The following WNT10B variants were observed in gnomAD, a reference collection of about 807,000 sequenced individuals.
WNT10B encodes the protein Wnt family member 10B.
WNT10B carries 26 observed loss-of-function variants against 32.7 expected under a neutral mutation model. That is an observed-to-expected ratio of 0.79 (90% CI 0.58 to 1.10). WNT10B has a LOEUF of 1.10. Ranked by LOEUF, WNT10B falls within the 50% of genes least tolerant of loss-of-function variation. The probability of loss-of-function intolerance (pLI) is 0.00; values close to 1 mark genes in which losing one functional copy is unlikely to be tolerated. For missense variants in WNT10B, 474 were observed against 532.5 expected (o/e 0.89, Z 1.08); for synonymous variants, 204 against 220.4 (o/e 0.93, Z 0.66).
Position 48,970,482 on chromosome 12 carries a change from A to G in WNT10B, c.48T>C (p.Gly16=). 1 of 1,611,834 alleles carries G rather than the reference A, an allele frequency of 6.2e-7. No individual in the cohort carries two copies. The highest frequency in any genetic ancestry group is 1.1e-5 in the South Asian group (1 of 90,628). The part of the protein sequence containing the change: ...RPRPPPSGLA[G]LLFLALCSRA... The stretch of plus-strand genomic sequence containing the variant: ...GACTGCACAACGCCAGGAACAGGAG[A>G]CCCGCGAGGCCCGAGGGCGGAGGCC... Residue 16 remains glycine (G), a synonymous_variant, in exon 2 of 5, where the codon GGT becomes GGC. Transcript: ENST00000301061. The surrounding 1 kb of genome is among the most constrained non-coding windows in gnomAD (Gnocchi z 5.0).
In WNT10B at chr12:48,970,246, G is replaced by C; in HGVS notation, c.180C>G (p.Gly60=). The C allele has an allele frequency of 6.2e-7, 1 of 1,611,166 alleles. No individual in the cohort carries two copies. The highest frequency in any genetic ancestry group is 8.5e-7 in the Non-Finnish European group (1 of 1,178,882). Residue 60 remains glycine (G), a synonymous_variant, in exon 3 of 5, where the codon GGC becomes GGG. Coordinates refer to ENST00000301061, the MANE Select transcript of WNT10B (RefSeq NM_003394.4). The surrounding 1 kb of genome is among the most constrained non-coding windows in gnomAD (Gnocchi z 5.0). ...TLSGLSKRQL[G]LCLRNPDVTA... ...TCACGTCGGGGTTGCGCAGGCACAG[G>C]CCTAGCTGCCGCTTGCTCAGGCCGG... is the stretch of plus-strand genomic sequence containing the variant.
Position 48,970,045 on chromosome 12 carries a change from C to A in WNT10B, c.337+44G>T. On this transcript the variant is annotated intron_variant, in intron 3 of 4. Coordinates refer to ENST00000301061, the MANE Select transcript of WNT10B (RefSeq NM_003394.4). This position sits in a 1 kb window ranked among gnomAD's most constrained non-coding sequence, Gnocchi z 5.0. Reference sequence around the variant, plus strand: ...CCGCGCGCCTCGCCCTGCCGCCCACCCCCTAGCCTCCGCGGCAGCGCCGAC... The same window carrying A: ...CCGCGCGCCTCGCCCTGCCGCCCACACCCTAGCCTCCGCGGCAGCGCCGAC... 1 of 1,451,088 alleles carries A rather than the reference C, an allele frequency of 6.9e-7. No individual in the cohort carries two copies. Among genetic ancestry groups the A allele is most frequent in the Non-Finnish European group, 9.0e-7 (1 of 1,106,324 alleles). The allele number at this position is 1,451,088 out of a possible 1,614,324, so 89.9% of individuals were successfully genotyped here.
Position 48,970,154 on chromosome 12 carries a change from C to A in WNT10B, c.272G>T (p.Arg91Leu). 2 of 1,545,154 alleles carry A rather than the reference C, an allele frequency of 1.3e-6. No homozygotes were observed. The highest frequency in any genetic ancestry group is 1.7e-6 in the Non-Finnish European group (2 of 1,148,566). ...GCCCTCAAGCGCGGAGCAGTTCCAG[C>A]GCTGGTCGCGCAGCTGGTGCTGACA... The part of the protein sequence containing the change: ...HECQHQLRDQ[R>L]WNCSALEGGG... Residue 91 changes from arginine to leucine, a missense_variant, in exon 3 of 5, where the codon CGC becomes CTC. Physicochemically the swap from Arg to Leu is moderately radical, Grantham distance 102 (BLOSUM62 -2). Coordinates refer to ENST00000301061, the MANE Select transcript of WNT10B (RefSeq NM_003394.4). This position sits in a 1 kb window ranked among gnomAD's most constrained non-coding sequence, Gnocchi z 5.0.
In WNT10B at chr12:48,970,771, G is replaced by A. The variant is rs1351898118; in HGVS notation, c.-40-202C>T. On this transcript the variant is annotated intron_variant, in intron 1 of 4. Transcript: ENST00000301061. The surrounding 1 kb of genome is among the most constrained non-coding windows in gnomAD (Gnocchi z 5.0). ...GGTCTTAAAGAAGAAGAGTCAAGGC[G>A]TTGTCCCAGCTCAGGACTCAAGCGA... is the stretch of plus-strand genomic sequence containing the variant. The A allele has an allele frequency of 2.0e-5, 12 of 595,108 alleles. 2 individuals carry two copies. Among genetic ancestry groups the A allele is most frequent in the African/African-American group, 1.5e-4 (8 of 53,732 alleles). 36.9% of individuals were successfully genotyped at this position (595,108 alleles called of 1,614,324 possible). A position where few individuals can be genotyped will look rare whatever the true frequency, so the allele number is the denominator to read the frequency against.
In WNT10B at chr12:48,967,574, A is replaced by G. The variant is rs373066497; in HGVS notation, c.711+372T>C. On this transcript the variant is annotated intron_variant, in intron 4 of 4. Transcript: ENST00000301061. ...CTCAGCCTCCCAAAGTGCTGGGATT[A>G]CAGACATGAGCCACCGCGCCCGGCC... Among the ~76,000 whole-genome samples the G allele has an allele frequency of 1.0e-3, 153 of 152,220 alleles. 1 individual carries two copies. Among genetic ancestry groups the G allele is most frequent in the African/African-American group, 3.5e-3 (146 of 41,538 alleles).
In WNT10B at chr12:48,966,414, A is replaced by C. The variant is rs767077900; in HGVS notation, c.851T>G (p.Phe284Cys). The change falls in exon 5 of 5, where the codon TTC becomes TGC. Residue 284 changes from phenylalanine (F) to cysteine (C), a missense_variant. Physicochemically the swap from Phe to Cys is radical, Grantham distance 205. Transcript: ENST00000301061. ...ALRERLGRAI[F>C]IDTHNRNSGA... is the part of the protein sequence containing the mutation. ...AGAATTGCGGTTGTGGGTATCAATG[A>C]AGATGGCCCGGCCCAGCCGCTCCCT... is the stretch of plus-strand genomic sequence containing the variant. 1.8e-5 allele frequency: 29 copies of C among 1,614,042 alleles called. No homozygotes were observed. In the East Asian group the frequency reaches 4.2e-4, roughly 24 times the overall value.
In WNT10B at chr12:48,970,592, C is replaced by G. The variant is rs560673611; in HGVS notation, c.-40-23G>C. ...GACCTGCGGGACGGGAGACTTGATG[C>G]GGGTTCAGGAATAGGGCGGCTCGCT... On this transcript the variant is annotated intron_variant, in intron 1 of 4. Coordinates refer to ENST00000301061, the MANE Select transcript of WNT10B (RefSeq NM_003394.4). This position sits in a 1 kb window ranked among gnomAD's most constrained non-coding sequence, Gnocchi z 5.0. 2.0e-5 allele frequency: 30 copies of G among 1,537,648 alleles called. No individual in the cohort carries two copies. In the East Asian group the frequency reaches 7.0e-4, roughly 36 times the overall value.
In WNT10B at chr12:48,970,016, G is replaced by A; in HGVS notation, c.337+73C>T. 2 of 1,382,280 alleles carry A rather than the reference G, an allele frequency of 1.4e-6. No individual in the cohort carries two copies. The highest frequency in any genetic ancestry group is 1.6e-5 in the South Asian group (1 of 60,762). 85.6% of individuals were successfully genotyped at this position (1,382,280 alleles called of 1,614,324 possible). A position where few individuals can be genotyped will look rare whatever the true frequency, so the allele number is the denominator to read the frequency against. On this transcript the variant is annotated intron_variant, in intron 3 of 4. Coordinates refer to ENST00000301061, the MANE Select transcript of WNT10B (RefSeq NM_003394.4). The surrounding 1 kb of genome is among the most constrained non-coding windows in gnomAD (Gnocchi z 5.0). ...CGGAGCCGCGAAACCATCCCTTCCC[G>A]CCTCCGCGCGCCTCGCCCTGCCGCC...
At chr12:48,966,654 A>G in intron 4 of WNT10B, 101 bp from the exon 5 acceptor site, 1 of 1,330,144 alleles carries the variant, frequency 7.5e-7, no homozygotes, top group East Asian at 2.4e-5. Flanking sequence ...GGGAGGGACA[A>G]ATGGAGGCAA....
In WNT10B at chr12:48,965,830, A is replaced by C; in HGVS notation, c.*265T>G. The C allele has an allele frequency of 1.9e-6, 1 of 526,784 alleles. No homozygotes were observed. The highest frequency in any genetic ancestry group is 3.4e-6 in the Non-Finnish European group (1 of 290,396). 32.6% of individuals were successfully genotyped at this position (526,784 alleles called of 1,614,324 possible). On this transcript the variant is annotated 3_prime_UTR_variant, in exon 5 of 5. Coordinates refer to ENST00000301061, the MANE Select transcript of WNT10B (RefSeq NM_003394.4). ...CTGGAGTTGAGAAGTGGGAGGAGCA[A>C]TACAGTGCATTTCATCTTAGTCCAT... is the stretch of plus-strand genomic sequence containing the variant.
At position 48,970,814 on chromosome 12, in the gene WNT10B, C is replaced by T; in HGVS notation, c.-40-245G>A. ...TCAAGCGAGCACCCCTGGAACCTTG[C>T]CCAATCAGACACAACGCCCGGCACA... On this transcript the variant is annotated intron_variant, in intron 1 of 4. Transcript: ENST00000301061. This position sits in a 1 kb window ranked among gnomAD's most constrained non-coding sequence, Gnocchi z 5.0. The T allele has an allele frequency of 5.4e-6, 3 of 555,210 alleles. No homozygotes were observed. Among genetic ancestry groups the T allele is most frequent in the East Asian group, 3.0e-5 (1 of 33,018 alleles). The allele number at this position is 555,210 out of a possible 1,614,324, so 34.4% of individuals were successfully genotyped here. A position where few individuals can be genotyped will look rare whatever the true frequency, so the allele number is the denominator to read the frequency against.
In WNT10B at chr12:48,966,440, C is replaced by G; in HGVS notation, c.825G>C (p.Leu275Phe). 6.2e-7 allele frequency: 1 copy of G among 1,614,058 alleles called. No homozygotes were observed. The highest frequency in any genetic ancestry group is 2.2e-5 in the East Asian group (1 of 44,882). The change falls in exon 5 of 5, where the codon TTG becomes TTC. Residue 275 changes from leucine to phenylalanine, a missense_variant. Transcript: ENST00000301061. ...AGATGGCCCGGCCCAGCCGCTCCCT[C>G]AACGCCGCCCCCACTGCCCGGAACT... ...APEFRAVGAALRERLGRAIFI... is the reference protein window; with the variant it reads ...APEFRAVGAAFRERLGRAIFI...
intron 3 of WNT10B, chr12:48,969,137 A>C: frequency 2.1e-6 from 1 of 470,620 alleles, no homozygotes; most frequent in Non-Finnish European, 4.4e-6. Context: ...CTTCCCCTAC[A>C]CCAGGCCCTG....
rs1254649784 is a variant in WNT10B at position 48,970,354 on chromosome 12, G to A, written c.75-3C>T. 1.2e-6 allele frequency: 2 copies of A among 1,614,080 alleles called. No individual in the cohort carries two copies. Among genetic ancestry groups the A allele is most frequent in the East Asian group, 2.2e-5 (1 of 44,860 alleles). ...CCAGAATCTCATTGCTTAGAGCCCT[G>A]GGAACCAAGAAGGCGTCTGGGGTCT... On this transcript the variant is annotated splice_polypyrimidine_tract_variant and splice_region_variant and intron_variant, in intron 2 of 4. Transcript: ENST00000301061. The surrounding 1 kb of genome is among the most constrained non-coding windows in gnomAD (Gnocchi z 5.0).
In WNT10B at chr12:48,970,063, GCGCCGACC is replaced by G; in HGVS notation, c.337+18_337+25del. The G allele has an allele frequency of 1.3e-6, 2 of 1,487,486 alleles. No individual in the cohort carries two copies. The highest frequency in any genetic ancestry group is 1.8e-6 in the Non-Finnish European group (2 of 1,121,150). The allele number at this position is 1,487,486 out of a possible 1,614,324, so 92.1% of individuals were successfully genotyped here. On this transcript the variant is annotated intron_variant, in intron 3 of 4. Transcript: ENST00000301061. The surrounding 1 kb of genome is among the most constrained non-coding windows in gnomAD (Gnocchi z 5.0). ...CGCCCACCCCCTAGCCTCCGCGGCA[GCGCCGACC>G]CGCCCAGCCAGGCTCACCGCGCTTG...
chr12:48,970,514 G>T lies in WNT10B; in HGVS notation c.16C>A (p.Arg6=). The T allele has an allele frequency of 6.3e-7, 1 of 1,588,348 alleles. No individual in the cohort carries two copies. Among genetic ancestry groups the T allele is most frequent in the East Asian group, 2.3e-5 (1 of 44,096 alleles). ...AGGCCCGAGGGCGGAGGCCGCGGCC[G>T]GGGCTCCTCCAGCATGTCGAAGCCC... MLEEP[R]PRPPPSGLAG... is the part of the protein sequence containing the mutation. Residue 6 remains arginine (R), a synonymous_variant, in exon 2 of 5, where the codon CGG becomes AGG. Coordinates refer to ENST00000301061, the MANE Select transcript of WNT10B (RefSeq NM_003394.4). This position sits in a 1 kb window ranked among gnomAD's most constrained non-coding sequence, Gnocchi z 5.0.
chr12:48,966,577 G>A, intron 4 of WNT10B, 24 bp from the exon 5 acceptor site: 1 of 1,610,596 alleles, frequency 6.2e-7, no homozygotes, highest in Non-Finnish European at 8.5e-7. Flanking sequence ...GGGAAAAGAG[G>A]TGAAGCAGAG....
chr12:48,967,937 C>G lies in WNT10B; in HGVS notation c.711+9G>C. On this transcript the variant is annotated intron_variant, in intron 4 of 4. Transcript: ENST00000301061. Reference sequence around the variant, plus strand: ...CTGGGGAGACCCAGGACAAGATGTACACACATACCTGGCGCCCCACCCTGT... The same window carrying G: ...CTGGGGAGACCCAGGACAAGATGTAGACACATACCTGGCGCCCCACCCTGT... The G allele has an allele frequency of 6.2e-7, 1 of 1,614,118 alleles. No homozygotes were observed. The highest frequency in any genetic ancestry group is 8.5e-7 in the Non-Finnish European group (1 of 1,180,020).
chr12:48,966,578 T>A lies in WNT10B; in HGVS notation c.712-25A>T, dbSNP rs769001239. Reference sequence around the variant, plus strand: ...CCTAGAGCATCAGGGGGAAAAGAGGTGAAGCAGAGGGCAGCAAATGGACAG... The same window carrying A: ...CCTAGAGCATCAGGGGGAAAAGAGGAGAAGCAGAGGGCAGCAAATGGACAG... On this transcript the variant is annotated intron_variant, in intron 4 of 4. Transcript: ENST00000301061. The A allele has an allele frequency of 4.4e-6, 7 of 1,608,570 alleles. No individual in the cohort carries two copies. In the South Asian group the frequency reaches 7.7e-5, roughly 18 times the overall value.
Sources: gnomAD v4.1 joint callset for allele counts (sites outside exome capture counted in the v4.1 genomes callset) on GRCh38, gnomAD v4.1.1 for gene constraint, Gnocchi (gnomAD v3.1) non-coding constraint, MANE v1.5 for transcripts, NCBI Gene and HGNC (gene_info 2026-07-23, HGNC 2026-07-21) for gene names.